The following PKNOX2 variants were observed in gnomAD, a reference collection of about 807,000 sequenced individuals.
PKNOX2 encodes PBX/knotted 1 homeobox 2, also known as homeobox protein PKNOX2.
In PKNOX2, 14 loss-of-function variants were observed where a neutral mutation model predicts 53.1. The ratio of observed to expected loss-of-function variants is 0.26; its 90% CI spans 0.17 to 0.41. PKNOX2 has a LOEUF of 0.41. Ranked by LOEUF, PKNOX2 falls within the 10% of genes least tolerant of loss-of-function variation. The pLI, the probability that PKNOX2 is intolerant of heterozygous loss-of-function variation, is 1.00. For synonymous variants in PKNOX2, 257 were observed against 242.8 expected (o/e 1.06, Z -0.54); for missense variants, 496 against 602.8 (o/e 0.82, Z 1.85).
At chr11:125,233,137 C>T (rs375340838) in intron 1 of PKNOX2, among the ~76,000 whole-genome samples, 2 of 152,288 alleles carry the variant, frequency 1.3e-5, no homozygotes, top group South Asian at 2.1e-4. Context: ...GAACTTTTAA[C>T]TTTTAGCCTG....
intron 1 of PKNOX2, among the ~76,000 whole-genome samples, chr11:125,198,805 C>T (rs191668476): frequency 1.3e-4 from 20 of 151,536 alleles, no homozygotes; most frequent in East Asian, 3.9e-4. Context: ...TCTCCTGATC[C>T]GCCTCCTCCT....
chr11:125,392,410 CT>C (rs1417076491), intron 6 of PKNOX2, among the ~76,000 whole-genome samples: 1 of 152,212 alleles, frequency 6.6e-6, no homozygotes, highest in Non-Finnish European at 1.5e-5. Context: ...TGTTGCCTAC[CT>C]TTCTAATATT....
chr11:125,191,869 T>C (rs1395845861), intron 1 of PKNOX2, among the ~76,000 whole-genome samples: 1 of 152,188 alleles, frequency 6.6e-6, no homozygotes, highest in Non-Finnish European at 1.5e-5. Context: ...ACTACAAAAA[T>C]ACATATAACT....
chr11:125,417,814 C>T (rs565475874), intron 10 of PKNOX2, among the ~76,000 whole-genome samples: 2 of 152,098 alleles, frequency 1.3e-5, no homozygotes, highest in Admixed American at 1.3e-4. Flanking sequence ...CCCCACCCCA[C>T]TCATCACATT....
chr11:125,290,320 A>G lies in PKNOX2; in HGVS notation c.-129-41499A>G, dbSNP rs111546827. 1.3e-3 allele frequency among the ~76,000 whole-genome samples: 203 copies of G among 152,298 alleles called. 2 individuals are homozygous for G. Among genetic ancestry groups the G allele is most frequent in the African/African-American group, 4.7e-3 (194 of 41,562 alleles). On this transcript the variant is annotated intron_variant, in intron 2 of 12. Coordinates refer to ENST00000298282, the MANE Select transcript of PKNOX2 (RefSeq NM_001382323.2). ...TTGGTCAGGTTTTTGATGTGATGCA[A>G]GTTCTGTGTGCTTTTGGGGAAATGG...
intron 1 of PKNOX2, among the ~76,000 whole-genome samples, chr11:125,185,039 G>C (rs1956364389): frequency 6.6e-6 from 1 of 152,210 alleles, no homozygotes. Flanking sequence ...GCACATAATA[G>C]ATGCTCAATA....
intron 2 of PKNOX2, among the ~76,000 whole-genome samples, chr11:125,242,197 G>T (rs752071508): frequency 1.3e-5 from 2 of 152,160 alleles, no homozygotes; most frequent in South Asian, 2.1e-4. Flanking sequence ...TGTGAGGTGG[G>T]TACTATTTTT....
At chr11:125,413,471 C>T (rs1313514081) in intron 10 of PKNOX2, among the ~76,000 whole-genome samples, 1 of 152,208 alleles carries the variant, frequency 6.6e-6, no homozygotes, top group African/African-American at 2.4e-5. Flanking sequence ...AGGAAGGATG[C>T]ATCTTCTGTG....
At chr11:125,243,739 CA>C (rs1371487177) in intron 2 of PKNOX2, among the ~76,000 whole-genome samples, 7 of 152,040 alleles carry the variant, frequency 4.6e-5, no homozygotes, top group Non-Finnish European at 8.8e-5. Context: ...TCTCCTGCCT[CA>C]GCCTCCCGAG....
intron 2 of PKNOX2, among the ~76,000 whole-genome samples, chr11:125,320,039 A>T (rs1949431741): frequency 6.6e-6 from 1 of 152,232 alleles, no homozygotes; most frequent in Non-Finnish European, 1.5e-5. Context: ...GCACCTTCAA[A>T]AAGATCTTTC....
intron 7 of PKNOX2, among the ~76,000 whole-genome samples, chr11:125,401,241 C>G (rs983723098): frequency 1.3e-5 from 2 of 152,078 alleles, no homozygotes; most frequent in Non-Finnish European, 2.9e-5. Flanking sequence ...GGGAGGCACA[C>G]AAACCCAGGA....
rs117245449 is a variant in PKNOX2 at position 125,195,254 on chromosome 11, C to T, written c.-201+30478C>T. The stretch of plus-strand genomic sequence containing the variant: ...GAAAGAAGCTGAGCCAGAATTTGAA[C>T]CCAGGCTGGTCTGCTTCAAAGCATC... On this transcript the variant is annotated intron_variant, in intron 1 of 12. Coordinates refer to ENST00000298282, the MANE Select transcript of PKNOX2 (RefSeq NM_001382323.2). Among the ~76,000 whole-genome samples, 1,499 of 152,340 alleles carry T rather than the reference C, an allele frequency of 9.8e-3. 11 individuals are homozygous for T. Among genetic ancestry groups the T allele is most frequent in the Non-Finnish European group, 0.017 (1,125 of 68,034 alleles).
intron 4 of PKNOX2, among the ~76,000 whole-genome samples, chr11:125,358,548 A>G (rs1176278253): frequency 6.6e-6 from 1 of 152,178 alleles, no homozygotes; most frequent in Non-Finnish European, 1.5e-5. Context: ...TTTAAAATTA[A>G]TTAACTAACT....
chr11:125,222,800 T>TGTGC (rs200517159), intron 1 of PKNOX2, among the ~76,000 whole-genome samples: 1,764 of 151,970 alleles, frequency 0.012, 19 homozygotes, highest in Middle Eastern at 0.024. Context: ...TGTGTGTGTG[T>TGTGC]GTGCGTGTGT....
chr11:125,396,373 C>G lies in PKNOX2; in HGVS notation c.400-1501C>G, dbSNP rs554824037. On this transcript the variant is annotated intron_variant, in intron 6 of 12. Transcript: ENST00000298282. ...TCTGTCTTACATTTATGTCTTTGAT[C>G]CATTTTGAGTTAATCTCATCTAAGG... 5.3e-5 allele frequency among the ~76,000 whole-genome samples: 8 copies of G among 151,990 alleles called. No individual in the cohort carries two copies. In the East Asian group the frequency reaches 1.5e-3, roughly 29 times the overall value.
At chr11:125,263,197 A>T (rs1393125923) in intron 2 of PKNOX2, among the ~76,000 whole-genome samples, 1 of 152,090 alleles carries the variant, frequency 6.6e-6, no homozygotes, top group Non-Finnish European at 1.5e-5. Flanking sequence ...TGGGGAGGAC[A>T]TTGCCCTACC....
chr11:125,226,630 T>C (rs553985849), intron 1 of PKNOX2, among the ~76,000 whole-genome samples: 2 of 152,168 alleles, frequency 1.3e-5, no homozygotes, highest in Non-Finnish European at 2.9e-5. Flanking sequence ...CTCTTTCTCT[T>C]CCTCCTATTC....
chr11:125,334,921 A>G (rs186032747), intron 3 of PKNOX2, among the ~76,000 whole-genome samples: 1 of 152,062 alleles, frequency 6.6e-6, no homozygotes, highest in Non-Finnish European at 1.5e-5. Context: ...TTTTCTTACC[A>G]TCATTGTCTT....
At chr11:125,397,672 G>A (rs1235788740) in intron 6 of PKNOX2, among the ~76,000 whole-genome samples, 1 of 152,174 alleles carries the variant, frequency 6.6e-6, no homozygotes, top group African/African-American at 2.4e-5. Flanking sequence ...AATTAGCAGA[G>A]AGCCATCATT....
Sources: allele counts gnomAD v4.1 joint callset (sites outside exome capture counted in the v4.1 genomes callset), GRCh38; gene constraint gnomAD v4.1.1; transcripts MANE v1.5; gene names NCBI Gene and HGNC (gene_info 2026-07-23, HGNC 2026-07-21).